EXOC4: variants seen among roughly 807,000 people sequenced by gnomAD.
The protein encoded by EXOC4 is SEC8-like 1.
Under a neutral mutation model 107.2 loss-of-function variants are expected in EXOC4, and 71 were observed. The ratio of observed to expected loss-of-function variants is 0.66; its 90% CI spans 0.55 to 0.81. The LOEUF (loss-of-function observed/expected upper bound fraction) is 0.81. Ranked by LOEUF, EXOC4 falls within the 30% of genes least tolerant of loss-of-function variation. The probability of loss-of-function intolerance (pLI) is 0.00; values close to 1 mark genes in which losing one functional copy is unlikely to be tolerated. For missense variants in EXOC4, 1,108 were observed against 1,189.6 expected (o/e 0.93, Z 1.01); for synonymous variants, 456 against 441.2 (o/e 1.03, Z -0.42).
At chr7:133,481,023 C>T (rs1167883611) in intron 9 of EXOC4, 2 of 147,374 alleles carry the variant, frequency 1.4e-5, no homozygotes, top group South Asian at 2.2e-4. Flanking sequence ...GCACTTCAGC[C>T]TGTGTGACAA....
chr7:133,296,285 T>C (rs1370009063), intron 3 of EXOC4, among the ~76,000 whole-genome samples: 2 of 152,068 alleles, frequency 1.3e-5, no homozygotes, highest in Non-Finnish European at 2.9e-5. Flanking sequence ...GGTGAACAAA[T>C]AGTGTCTCTC....
intron 9 of EXOC4, among the ~76,000 whole-genome samples, chr7:133,609,593 A>G (rs886153658): frequency 3.9e-5 from 6 of 152,256 alleles, no homozygotes; most frequent in Non-Finnish European, 8.8e-5. Context: ...AAACATTTAT[A>G]TGTGTAAAGC....
intron 3 of EXOC4, among the ~76,000 whole-genome samples, chr7:133,303,421 A>G (rs977543828): frequency 7.2e-5 from 11 of 152,210 alleles, no homozygotes; most frequent in African/African-American, 2.4e-4. Context: ...GCAACACGGC[A>G]AGACTCCATC....
At chr7:133,995,382 G>A (rs1202317792) in intron 14 of EXOC4, among the ~76,000 whole-genome samples, 3 of 152,114 alleles carry the variant, frequency 2.0e-5, no homozygotes, top group African/African-American at 4.8e-5. Context: ...TCATTGATAC[G>A]TAGATAACTC....
chr7:133,794,038 C>T (rs1796761650), intron 10 of EXOC4, among the ~76,000 whole-genome samples: 1 of 152,060 alleles, frequency 6.6e-6, no homozygotes. Context: ...CTAGGTCTTT[C>T]CCTCCATATG....
intron 3 of EXOC4, chr7:133,291,033 C>A (rs1416284442): frequency 1.4e-5 from 2 of 147,402 alleles, no homozygotes; most frequent in African/African-American, 5.0e-5. Flanking sequence ...AGAAAATAAT[C>A]TTTTTTTTTT....
At chr7:133,508,130 A>G (rs1799700853) in intron 9 of EXOC4, among the ~76,000 whole-genome samples, 1 of 152,112 alleles carries the variant, frequency 6.6e-6, no homozygotes, top group Admixed American at 6.5e-5. Context: ...ATCCATGACT[A>G]CAAAGGTACC....
At chr7:134,030,344 A>C (rs898885196) in intron 17 of EXOC4, among the ~76,000 whole-genome samples, 1 of 152,240 alleles carries the variant, frequency 6.6e-6, no homozygotes, top group African/African-American at 2.4e-5. Flanking sequence ...TCCATCAATG[A>C]TGAGTGGATA....
intron 17 of EXOC4, among the ~76,000 whole-genome samples, chr7:134,020,840 GC>G (rs760995176): frequency 1.4e-4 from 22 of 152,126 alleles, no homozygotes; most frequent in Non-Finnish European, 2.5e-4. Flanking sequence ...ACAAAAATTA[GC>G]CAGGCACGGT....
chr7:133,356,960 A>G (rs1796034943), intron 6 of EXOC4, among the ~76,000 whole-genome samples: 1 of 152,192 alleles, frequency 6.6e-6, no homozygotes. Flanking sequence ...GGCCTAGGTG[A>G]CAGAGCGAGA....
intron 9 of EXOC4, among the ~76,000 whole-genome samples, chr7:133,604,703 C>CTTTTTTTTTTT (rs1801888963): frequency 9.2e-6 from 1 of 108,434 alleles, no homozygotes; most frequent in Non-Finnish European, 1.9e-5. Flanking sequence ...TCCTTCCTTC[C>CTTTTTTTTTTT]TTCTTTCTTT....
At chr7:133,337,451 C>T (rs1795543982) in intron 5 of EXOC4, among the ~76,000 whole-genome samples, 1 of 151,758 alleles carries the variant, frequency 6.6e-6, no homozygotes, top group South Asian at 2.1e-4. Context: ...CAAAATTGGT[C>T]TTTTTAAGCA....
intron 9 of EXOC4, among the ~76,000 whole-genome samples, chr7:133,499,764 T>C (rs1799542706): frequency 2.0e-5 from 3 of 152,126 alleles, no homozygotes; most frequent in Non-Finnish European, 2.9e-5. Context: ...TCCTGAGATT[T>C]TTCTCTTGCT....
chr7:133,567,308 A>G (rs555045805), intron 9 of EXOC4, among the ~76,000 whole-genome samples: 2 of 151,976 alleles, frequency 1.3e-5, no homozygotes, highest in South Asian at 4.2e-4. Flanking sequence ...CATTATGAAC[A>G]CTGTTCTGAA....
At chr7:133,387,335 C>G (rs971317563) in intron 7 of EXOC4, among the ~76,000 whole-genome samples, 1 of 152,094 alleles carries the variant, frequency 6.6e-6, no homozygotes, top group Non-Finnish European at 1.5e-5. Context: ...TATGAAACTT[C>G]ATAAATATGG....
At chr7:133,558,933 A>G (rs1800755405) in intron 9 of EXOC4, among the ~76,000 whole-genome samples, 1 of 152,236 alleles carries the variant, frequency 6.6e-6, no homozygotes, top group Non-Finnish European at 1.5e-5. Flanking sequence ...AAGACATAGG[A>G]GGAGAAATTT....
chr7:133,324,431 G>A (rs902723580), intron 5 of EXOC4, among the ~76,000 whole-genome samples: 34 of 151,984 alleles, frequency 2.2e-4, no homozygotes, highest in African/African-American at 5.8e-4. Flanking sequence ...CATTGGTTTC[G>A]AAGAACATCT....
intron 12 of EXOC4, among the ~76,000 whole-genome samples, chr7:133,916,705 C>A (rs1352540177): frequency 6.6e-6 from 1 of 152,202 alleles, no homozygotes; most frequent in Non-Finnish European, 1.5e-5. Context: ...AAAGAGATTC[C>A]TGCCTATGAT....
intron 9 of EXOC4, among the ~76,000 whole-genome samples, chr7:133,511,014 TTTTCTC>T (rs2150898550): frequency 6.6e-6 from 1 of 152,300 alleles, no homozygotes; most frequent in South Asian, 2.1e-4. Context: ...ATCATTTTTT[TTTTCTC>T]TTTTCTTTAC....
Sources: allele counts gnomAD v4.1 joint callset (sites outside exome capture counted in the v4.1 genomes callset), GRCh38; gene constraint gnomAD v4.1.1; transcripts MANE v1.5; gene names NCBI Gene and HGNC (gene_info 2026-07-23, HGNC 2026-07-21).